The following RANBP2 variants were observed in gnomAD, a reference collection of about 807,000 sequenced individuals.
RANBP2 encodes RAN binding protein 2.
A neutral mutation model predicts 303.6 loss-of-function variants in RANBP2; 57 were observed. That is an observed-to-expected ratio of 0.19 (90% CI 0.15 to 0.23). The LOEUF (loss-of-function observed/expected upper bound fraction) is 0.23, where lower values mean the gene tolerates loss of function less well. Ranked by LOEUF, RANBP2 falls within the 10% of genes least tolerant of loss-of-function variation. RANBP2 has a pLI of 1.00. For synonymous variants in RANBP2, 1,167 were observed against 1,301.5 expected (o/e 0.90, Z 2.23); for missense variants, 3,138 against 3,780.8 (o/e 0.83, Z 4.46).
chr2:108,745,034 A>G (rs1352514973), intron 7 of RANBP2, among the ~76,000 whole-genome samples: 1 of 151,826 alleles, frequency 6.6e-6, no homozygotes, highest in Non-Finnish European at 1.5e-5. Flanking sequence ...GGATGCTTGC[A>G]TATTATTCCA....
At chr2:109,068,491 C>T in the RANBP2 span, among the ~76,000 whole-genome samples, 29 of 152,344 alleles carry the variant, frequency 1.9e-4, no homozygotes, top group East Asian at 4.8e-3. Flanking sequence ...CTTGACATCA[C>T]GGATGCCCAG....
At chr2:109,654,873 T>C in the RANBP2 span, among the ~76,000 whole-genome samples, 1 of 151,936 alleles carries the variant, frequency 6.6e-6, no homozygotes, top group East Asian at 1.9e-4. Flanking sequence ...TGCTCTAATT[T>C]GTAAAGGGAG....
At chr2:109,309,745 G>A in the RANBP2 span, among the ~76,000 whole-genome samples, 1 of 126,456 alleles carries the variant, frequency 7.9e-6, no homozygotes, top group African/African-American at 3.9e-5. Flanking sequence ...AGACAAAGAA[G>A]GCCATTATAT....
chr2:109,162,292 C>T, the RANBP2 span, among the ~76,000 whole-genome samples: 6 of 152,174 alleles, frequency 3.9e-5, no homozygotes, highest in South Asian at 2.1e-4. Flanking sequence ...TCCTAAAAGG[C>T]GCTGGTGTAA....
intron 23 of RANBP2, among the ~76,000 whole-genome samples, chr2:108,773,482 G>C (rs570526089): frequency 6.6e-6 from 1 of 152,222 alleles, no homozygotes; most frequent in Admixed American, 6.5e-5. Flanking sequence ...GTTCTACACA[G>C]GGGCTATATG....
rs770082673 is a variant in RANBP2, at chr2:108,765,838, A to C, written c.5299A>C (p.Ile1767Leu). 1 of 1,614,196 alleles carries C rather than the reference A, an allele frequency of 6.2e-7. No individual in the cohort carries two copies. The highest frequency in any genetic ancestry group is 8.5e-7 in the Non-Finnish European group (1 of 1,180,002). ...TAISTPASSE[I>L]SKAPKSGFEG... ...AATTTCAACACCTGCCTCTTCGGAG[A>C]TAAGCAAGGCTCCAAAGAGTGGATT... The change falls in exon 20 of 29, where the codon ATA (isoleucine) becomes CTA (leucine). Residue 1767 changes from isoleucine to leucine, a missense_variant. By Grantham distance (5) the Ile-to-Leu change is conservative. Around this residue, in one of 20 missense-constraint regions of RANBP2, gnomAD observed 348 missense variants for 360.4 expected, o/e 0.97. Transcript: ENST00000283195.
chr2:109,146,513 C>T, the RANBP2 span, among the ~76,000 whole-genome samples: 5 of 152,096 alleles, frequency 3.3e-5, no homozygotes, highest in Non-Finnish European at 5.9e-5. Context: ...GGAGGAAGGG[C>T]ACTTCCTAGC....
the RANBP2 span, among the ~76,000 whole-genome samples, chr2:109,551,340 G>C: frequency 1.1e-4 from 16 of 152,286 alleles, no homozygotes; most frequent in African/African-American, 3.9e-4. Flanking sequence ...ATAATGTTTT[G>C]AGTGGTATCT....
At chr2:109,743,249 T>C in the RANBP2 span, among the ~76,000 whole-genome samples, 1 of 148,202 alleles carries the variant, frequency 6.7e-6, no homozygotes. Flanking sequence ...ACAGCCTGGG[T>C]GGCAGAGCAA....
chr2:108,781,445 T>C lies in RANBP2; in HGVS notation c.8760+16T>C. The C allele has an allele frequency of 6.2e-7, 1 of 1,612,958 alleles. No individual in the cohort carries two copies. The highest frequency in any genetic ancestry group is 8.5e-7 in the Non-Finnish European group (1 of 1,179,002). On this transcript the variant is annotated intron_variant, in intron 26 of 28. Transcript: ENST00000283195. ...ACTACCAGAGGTAAATGTTAAGGAA[T>C]TAACCTTTTACTAATAACTTATTTT...
the RANBP2 span, chr2:108,894,779 C>T: frequency 1.3e-5 from 2 of 152,106 alleles, no homozygotes; most frequent in African/African-American, 4.8e-5. Context: ...GAATTTGTAA[C>T]TATATAAGGA....
chr2:109,285,729 A>G, the RANBP2 span, among the ~76,000 whole-genome samples: 1 of 152,210 alleles, frequency 6.6e-6, no homozygotes, highest in Non-Finnish European at 1.5e-5. Flanking sequence ...AGCCTGGTCC[A>G]GTGTGAGCAA....
chr2:109,500,853 G>C, the RANBP2 span, among the ~76,000 whole-genome samples: 1 of 152,170 alleles, frequency 6.6e-6, no homozygotes. Flanking sequence ...GGGAGGCTGA[G>C]GTGGGAGGCT....
the RANBP2 span, among the ~76,000 whole-genome samples, chr2:109,041,224 T>G: frequency 2.0e-5 from 3 of 152,228 alleles, no homozygotes; most frequent in African/African-American, 7.2e-5. Flanking sequence ...CTGTATATTC[T>G]TTTGCATTTT....
the RANBP2 span, among the ~76,000 whole-genome samples, chr2:109,001,365 G>A: frequency 6.6e-6 from 1 of 152,230 alleles, no homozygotes; most frequent in Non-Finnish European, 1.5e-5. Flanking sequence ...GTCACAGTAG[G>A]GGCAGGGCAG....
At chr2:109,424,344 G>A in the RANBP2 span, among the ~76,000 whole-genome samples, 2 of 152,238 alleles carry the variant, frequency 1.3e-5, no homozygotes, top group Admixed American at 6.5e-5. Context: ...GCCACTCATC[G>A]CCCTTCAGAG....
chr2:109,163,885 G>A, the RANBP2 span, among the ~76,000 whole-genome samples: 4 of 152,164 alleles, frequency 2.6e-5, no homozygotes, highest in Non-Finnish European at 4.4e-5. Context: ...GACCAAGTAT[G>A]AATGAAAGAA....
the RANBP2 span, among the ~76,000 whole-genome samples, chr2:109,658,821 C>T: frequency 6.6e-6 from 1 of 152,136 alleles, no homozygotes; most frequent in African/African-American, 2.4e-5. Context: ...AATCCCAGCA[C>T]TTTGGGAGGC....
chr2:109,406,248 C>T, the RANBP2 span, among the ~76,000 whole-genome samples: 3 of 152,038 alleles, frequency 2.0e-5, no homozygotes, highest in African/African-American at 7.2e-5. Context: ...AGAGGCCATT[C>T]AGGCCAACTC....
Sources: gnomAD v4.1 joint callset for allele counts (sites outside exome capture counted in the v4.1 genomes callset) on GRCh38, gnomAD v4.1.1 for gene constraint, gnomAD v4.1.1 regional missense constraint, MANE v1.5 for transcripts, NCBI Gene and HGNC (gene_info 2026-07-23, HGNC 2026-07-21) for gene names.